Variants in CASC3 observed in about 807,000 individuals in gnomAD.
The protein encoded by CASC3 is protein CASC3.
In CASC3, 30 loss-of-function variants were observed where a neutral mutation model predicts 80.5. The observed-to-expected ratio is 0.37, with a 90% CI of 0.28 to 0.51. The LOEUF (loss-of-function observed/expected upper bound fraction) is 0.51. Among genes scored for constraint, CASC3 ranks in the 20% least tolerant of loss-of-function variants. CASC3 has a pLI of 0.94. For missense variants in CASC3, 824 were observed against 922.2 expected (o/e 0.89, Z 1.38); for synonymous variants, 312 against 333.6 (o/e 0.94, Z 0.70).
intron 3 of CASC3, among the ~76,000 whole-genome samples, chr17:40,158,934 T>TA (rs756598641): frequency 1.1e-4 from 17 of 152,080 alleles, no homozygotes; most frequent in Non-Finnish European, 2.4e-4. Flanking sequence ...ATGGAGTCAT[T>TA]ATCAAGAGTT....
At chr17:40,145,558 A>G (rs1398665846) in intron 3 of CASC3, among the ~76,000 whole-genome samples, 1 of 152,066 alleles carries the variant, frequency 6.6e-6, no homozygotes, top group Non-Finnish European at 1.5e-5. Context: ...TGACTGGAGC[A>G]TTGTTGGGAC....
Position 40,169,377 on chromosome 17 carries a change from G to A in CASC3, c.2019G>A (p.Gln673=). ...CCTACTATAACCCCGCCCAGCAGCA[G>A]GTGCAGCCAAAGCCCTCCCCACCCC... ...GVTYYNPAQQ[Q]VQPKPSPPRR... is the part of the protein sequence containing the mutation. The change falls in exon 12 of 14, where the codon CAG becomes CAA. Residue 673 remains glutamine (Q), a synonymous_variant. Transcript: ENST00000264645. 2 of 1,613,184 alleles carry A rather than the reference G, an allele frequency of 1.2e-6. No individual in the cohort carries two copies. The highest frequency in any genetic ancestry group is 1.7e-6 in the Non-Finnish European group (2 of 1,179,706).
At chr17:40,148,604 C>T (rs1170806093) in intron 3 of CASC3, among the ~76,000 whole-genome samples, 1 of 152,040 alleles carries the variant, frequency 6.6e-6, no homozygotes. Context: ...AGATGATCCA[C>T]CCACCTTGGC....
chr17:40,155,014 C>G (rs976446536), intron 3 of CASC3, among the ~76,000 whole-genome samples: 1 of 151,822 alleles, frequency 6.6e-6, no homozygotes, highest in East Asian at 1.9e-4. Context: ...CTCAGCCTCC[C>G]GAGTAGCTGG....
chr17:40,140,802 G>T (rs1988692021), intron 1 of CASC3, 23 bp downstream of exon 1: 2 of 1,419,200 alleles, frequency 1.4e-6, no homozygotes, highest in Admixed American at 3.0e-5. Flanking sequence ...AGGCGGGGCG[G>T]GGTGGGGACC....
chr17:40,151,604 G>T (rs1265281855), intron 3 of CASC3, among the ~76,000 whole-genome samples: 1 of 149,078 alleles, frequency 6.7e-6, no homozygotes, highest in Non-Finnish European at 1.5e-5. Flanking sequence ...TGAGGCAGGA[G>T]AATTGTTTGA....
At chr17:40,161,083 G>A (rs1307990068) in intron 3 of CASC3, among the ~76,000 whole-genome samples, 1 of 151,892 alleles carries the variant, frequency 6.6e-6, no homozygotes, top group South Asian at 2.1e-4. Context: ...TGGTTCAAAC[G>A]ATTTTCCTGC....
chr17:40,159,908 G>T (rs928314657), intron 3 of CASC3, among the ~76,000 whole-genome samples: 2 of 151,688 alleles, frequency 1.3e-5, no homozygotes, highest in African/African-American at 4.8e-5. Context: ...TAGAGACAGG[G>T]TTTCACCATG....
At chr17:40,143,265 G>A (rs922622823) in intron 3 of CASC3, among the ~76,000 whole-genome samples, 5 of 151,852 alleles carry the variant, frequency 3.3e-5, no homozygotes, top group Non-Finnish European at 7.4e-5. Context: ...GGCCAACATG[G>A]CAAAACTCCA....
rs750870113 is a variant in CASC3, at chr17:40,153,398, C to T, written c.298-8355C>T. 5.9e-5 allele frequency among the ~76,000 whole-genome samples: 9 copies of T among 152,156 alleles called. No homozygotes were observed. The South Asian group carries it at 1.0e-3, about 17-fold the overall frequency. ...TTATCCATTCACCCAACAACAGACA[C>T]GAGTTATTTCCATAGCTTATTTCCA... On this transcript the variant is annotated intron_variant, in intron 3 of 13. Transcript: ENST00000264645.
At chr17:40,163,382 G>C in intron 6 of CASC3, 99 bp from the exon 7 acceptor site, 3 of 971,010 alleles carry the variant, frequency 3.1e-6, no homozygotes, top group Non-Finnish European at 4.6e-6. Flanking sequence ...TGATCTGCCC[G>C]TCTCGATCTC....
At chr17:40,141,692 G>A (rs1988722117) in intron 3 of CASC3, 85 bp downstream of exon 3, 6 of 973,678 alleles carry the variant, frequency 6.2e-6, no homozygotes, top group Non-Finnish European at 8.2e-6. Flanking sequence ...AACGTACCAT[G>A]ACCTCCGTGT....
At chr17:40,150,752 G>A (rs1247934952) in intron 3 of CASC3, among the ~76,000 whole-genome samples, 1 of 150,166 alleles carries the variant, frequency 6.7e-6, no homozygotes, top group African/African-American at 2.5e-5. Flanking sequence ...CGAGGCTCAT[G>A]CCTTTATCCC....
intron 3 of CASC3, among the ~76,000 whole-genome samples, chr17:40,142,769 C>T (rs1158849660): frequency 2.6e-5 from 4 of 151,968 alleles, no homozygotes; most frequent in African/African-American, 4.8e-5. Context: ...GGCGTGGTGG[C>T]GGGCGCCTGT....
Position 40,171,646 on chromosome 17 carries a change from G to A in CASC3, c.*1241G>A. 9.9e-7 allele frequency: 1 copy of A among 1,010,354 alleles called. No individual in the cohort carries two copies. The highest frequency in any genetic ancestry group is 1.2e-6 in the Non-Finnish European group (1 of 844,592). The allele number at this position is 1,010,354 out of a possible 1,614,324, so 62.6% of individuals were successfully genotyped here. The stretch of plus-strand genomic sequence containing the variant: ...CTCCTATCTTTCCTCCCTATCCATG[G>A]CACTAAACCACTTCTCTGCTGCCTC... On this transcript the variant is annotated 3_prime_UTR_variant, in exon 14 of 14. Transcript: ENST00000264645.
Position 40,167,888 on chromosome 17 carries a change from C to T in CASC3, c.1690C>T (p.Pro564Ser), listed in dbSNP as rs765953160. The part of the protein sequence containing the change: ...QGPIYTHGDS[P>S]APLPPQGMLV... ...ACCAATCTATACCCATGGTGACAGC[C>T]CTGCCCCGCTGCCTCCACAGGGCAT... Residue 564 changes from proline (P) to serine (S), a missense_variant, in exon 10 of 14, where the codon CCT becomes TCT. This residue lies in a region of CASC3 where 464 missense variants were observed against 506.0 expected (regional missense o/e 0.92). Transcript: ENST00000264645. 2.5e-6 allele frequency: 4 copies of T among 1,614,028 alleles called. No individual in the cohort carries two copies. Among genetic ancestry groups the T allele is most frequent in the Non-Finnish European group, 3.4e-6 (4 of 1,180,024 alleles).
In CASC3 at chr17:40,171,859, G is replaced by A; in HGVS notation, c.*1454G>A. 1.7e-6 allele frequency: 2 copies of A among 1,198,978 alleles called. No homozygotes were observed. The highest frequency in any genetic ancestry group is 1.5e-5 in the South Asian group (1 of 64,894). The allele number at this position is 1,198,978 out of a possible 1,614,324, so 74.3% of individuals were successfully genotyped here. On this transcript the variant is annotated 3_prime_UTR_variant, in exon 14 of 14. Transcript: ENST00000264645. The stretch of plus-strand genomic sequence containing the variant: ...CTGAGTCACAGGTGTGGGATGGAGA[G>A]TGGGGAGAGGCACTTAATCTGTAAC...
intron 3 of CASC3, among the ~76,000 whole-genome samples, chr17:40,155,983 G>A (rs955840998): frequency 6.6e-6 from 1 of 152,186 alleles, no homozygotes; most frequent in African/African-American, 2.4e-5. Context: ...TTAAAATAAA[G>A]TTGCCTTATT....
At chr17:40,158,934 T>G (rs1989220782) in intron 3 of CASC3, among the ~76,000 whole-genome samples, 1 of 152,080 alleles carries the variant, frequency 6.6e-6, no homozygotes, top group Non-Finnish European at 1.5e-5. Context: ...ATGGAGTCAT[T>G]ATCAAGAGTT....
Sources: allele counts gnomAD v4.1 joint callset (sites outside exome capture counted in the v4.1 genomes callset), GRCh38; gene constraint gnomAD v4.1.1; regional missense constraint gnomAD v4.1.1; transcripts MANE v1.5; gene names NCBI Gene and HGNC (gene_info 2026-07-23, HGNC 2026-07-21).